The following ABLIM1 variants were observed in gnomAD, a reference collection of about 807,000 sequenced individuals.
The protein encoded by ABLIM1 is actin binding LIM protein 1, also known as actin-binding LIM protein 1.
A neutral mutation model predicts 107.0 loss-of-function variants in ABLIM1; 40 were observed. The observed-to-expected ratio is 0.37, with a 90% confidence interval of 0.29 to 0.49. The LOEUF is 0.49. Among genes scored for constraint, ABLIM1 ranks in the 20% least tolerant of loss-of-function variants. ABLIM1 has a pLI of 0.97. For missense variants in ABLIM1, 857 were observed against 1,008.5 expected (o/e 0.85, Z 2.04); for synonymous variants, 357 against 357.3 (o/e 1.00, Z 0.01).
At chr10:114,488,982 T>C (rs1565562898) in intron 7 of ABLIM1, among the ~76,000 whole-genome samples, 1 of 152,312 alleles carries the variant, frequency 6.6e-6, no homozygotes, top group Non-Finnish European at 1.5e-5. Flanking sequence ...AGTATGAATA[T>C]CAGAGTTTCC....
At chr10:114,791,617 G>A in the ABLIM1 span, among the ~76,000 whole-genome samples, 3 of 150,810 alleles carry the variant, frequency 2.0e-5, no homozygotes, top group East Asian at 2.0e-4. Context: ...CAGCCTGGAC[G>A]ACAGAGCAAG....
intron 6 of ABLIM1, among the ~76,000 whole-genome samples, chr10:114,499,328 C>T (rs548790503): frequency 6.6e-6 from 1 of 152,196 alleles, no homozygotes; most frequent in Non-Finnish European, 1.5e-5. Flanking sequence ...GTTAAACTAT[C>T]GAGGACTATG....
intron 1 of ABLIM1, among the ~76,000 whole-genome samples, chr10:114,732,586 C>T (rs918518026): frequency 1.7e-4 from 26 of 152,074 alleles, no homozygotes; most frequent in Non-Finnish European, 4.4e-5. Context: ...GAAATCTATT[C>T]CATTTATTTT....
At chr10:114,781,438 A>C in the ABLIM1 span, among the ~76,000 whole-genome samples, 1 of 151,754 alleles carries the variant, frequency 6.6e-6, no homozygotes, top group Admixed American at 6.6e-5. Flanking sequence ...TGGGAGGTGG[A>C]GGTTGCAGTG....
At chr10:114,601,993 G>GT in intron 1 of ABLIM1, 32 bp from the exon 2 acceptor site, 1 of 1,611,244 alleles carries the variant, frequency 6.2e-7, no homozygotes, top group Non-Finnish European at 8.5e-7. Context: ...ATCCAGGTGA[G>GT]TAGAGAGCAT....
intron 1 of ABLIM1, among the ~76,000 whole-genome samples, chr10:114,696,858 T>G (rs946698389): frequency 6.6e-6 from 1 of 152,194 alleles, no homozygotes; most frequent in Non-Finnish European, 1.5e-5. Context: ...TTAACTACAT[T>G]ACCTCTTTAT....
At chr10:114,498,692 G>A (rs1440011758) in intron 6 of ABLIM1, among the ~76,000 whole-genome samples, 1 of 152,186 alleles carries the variant, frequency 6.6e-6, no homozygotes, top group Non-Finnish European at 1.5e-5. Flanking sequence ...ATTCTTATCA[G>A]AGAAGGACAT....
intron 1 of ABLIM1, among the ~76,000 whole-genome samples, chr10:114,671,195 C>G (rs1445881510): frequency 3.3e-5 from 5 of 152,218 alleles, no homozygotes; most frequent in Admixed American, 2.0e-4. Flanking sequence ...ACAGTATGTT[C>G]TCTTCCATGT....
At chr10:114,625,946 A>G (rs1461332106) in intron 1 of ABLIM1, among the ~76,000 whole-genome samples, 1 of 152,202 alleles carries the variant, frequency 6.6e-6, no homozygotes, top group Non-Finnish European at 1.5e-5. Flanking sequence ...GTATGTGTTC[A>G]ATCACTGACA....
chr10:114,487,333 G>A (rs1196609597), intron 8 of ABLIM1, among the ~76,000 whole-genome samples: 9 of 152,296 alleles, frequency 5.9e-5, no homozygotes, highest in African/African-American at 7.2e-5. Flanking sequence ...TTCCTAGCCC[G>A]TGTGAAAAAT....
intron 2 of ABLIM1, among the ~76,000 whole-genome samples, chr10:114,581,171 C>T (rs1465418584): frequency 6.6e-6 from 1 of 152,072 alleles, no homozygotes; most frequent in Non-Finnish European, 1.5e-5. Flanking sequence ...TAGTAACAGG[C>T]ATATTTTAAA....
chr10:114,656,775 A>G (rs1163002774), intron 1 of ABLIM1, among the ~76,000 whole-genome samples: 2 of 152,230 alleles, frequency 1.3e-5, no homozygotes, highest in Non-Finnish European at 2.9e-5. Context: ...ACGTGCTACA[A>G]CATGGGTAAA....
chr10:114,784,838 A>G, the ABLIM1 span, among the ~76,000 whole-genome samples: 1 of 152,050 alleles, frequency 6.6e-6, no homozygotes, highest in Non-Finnish European at 1.5e-5. Context: ...ATTCCAAAAC[A>G]TATGCCTTAT....
chr10:114,544,814 A>G (rs990957470), intron 6 of ABLIM1, among the ~76,000 whole-genome samples, 191 bp downstream of exon 6: 1 of 151,708 alleles, frequency 6.6e-6, no homozygotes, highest in African/African-American at 2.4e-5. Flanking sequence ...ATTCTCCATC[A>G]TTCTAATTTC....
At chr10:114,616,860 T>C (rs922482469) in intron 1 of ABLIM1, among the ~76,000 whole-genome samples, 1 of 152,226 alleles carries the variant, frequency 6.6e-6, no homozygotes, top group Non-Finnish European at 1.5e-5. Flanking sequence ...TGTGGATTAA[T>C]TGATTCAATT....
At chr10:114,471,966 A>T (rs1231496147) in intron 10 of ABLIM1, among the ~76,000 whole-genome samples, 2 of 152,122 alleles carry the variant, frequency 1.3e-5, no homozygotes, top group Non-Finnish European at 2.9e-5. Flanking sequence ...GTAGGAAGCG[A>T]CCACAGAGAA....
At chr10:114,729,410 G>T (rs565278479) in intron 1 of ABLIM1, among the ~76,000 whole-genome samples, 10 of 152,122 alleles carry the variant, frequency 6.6e-5, no homozygotes, top group Middle Eastern at 3.4e-3. Context: ...AAGGGCTTCT[G>T]GTCTCTCATG....
the ABLIM1 span, among the ~76,000 whole-genome samples, chr10:114,798,899 G>A: frequency 3.9e-5 from 6 of 151,956 alleles, no homozygotes; most frequent in Non-Finnish European, 8.8e-5. Flanking sequence ...GGATTCAAGC[G>A]ATTCTCCTGC....
Position 114,648,537 on chromosome 10 carries a change from CA to C in ABLIM1, c.244+9419del, listed in dbSNP as rs1216283333. ...CCAGCAGCTGAGGAATGTGAGTCAT[CA>C]GGGATGTTTTCTAACGGGCACAAGG... On this transcript the variant is annotated intron_variant, in intron 1 of 22. Transcript: ENST00000533213. 5.9e-5 allele frequency among the ~76,000 whole-genome samples: 9 copies of C among 152,220 alleles called. No homozygotes were observed. The South Asian group carries it at 1.9e-3, about 32-fold the overall frequency.
Sources: allele counts gnomAD v4.1 joint callset (sites outside exome capture counted in the v4.1 genomes callset), GRCh38; gene constraint gnomAD v4.1.1; transcripts MANE v1.5; gene names NCBI Gene and HGNC (gene_info 2026-07-23, HGNC 2026-07-21).